IFT56: variants seen among roughly 807,000 people sequenced by gnomAD.
IFT56 encodes intraflagellar transport protein 56.
chr7:139,158,700 G>C, the IFT56 span, among the ~76,000 whole-genome samples: 1 of 152,134 alleles, frequency 6.6e-6, no homozygotes, highest in Non-Finnish European at 1.5e-5. Flanking sequence ...GATCATTTGA[G>C]GTCAGGAGTT....
chr7:139,180,355 A>C, the IFT56 span, among the ~76,000 whole-genome samples: 2 of 150,314 alleles, frequency 1.3e-5, no homozygotes, highest in Non-Finnish European at 3.0e-5. Context: ...AAAAAAAAAG[A>C]ACTTTACTTT....
the IFT56 span, among the ~76,000 whole-genome samples, chr7:139,151,725 T>C: frequency 6.6e-6 from 1 of 152,340 alleles, no homozygotes; most frequent in East Asian, 1.9e-4. Context: ...ATAGTCACAT[T>C]GATCTGTTTC....
At chr7:139,161,706 T>C in the IFT56 span, among the ~76,000 whole-genome samples, 1 of 152,234 alleles carries the variant, frequency 6.6e-6, no homozygotes, top group South Asian at 2.1e-4. Context: ...ACAGCTGTTT[T>C]AGACTCCCCT....
At chr7:139,143,464 T>C in the IFT56 span, among the ~76,000 whole-genome samples, 2 of 152,120 alleles carry the variant, frequency 1.3e-5, no homozygotes, top group Admixed American at 6.5e-5. Flanking sequence ...TCTGAAAAAT[T>C]TCTCTTTGTC....
chr7:139,184,204 T>C, the IFT56 span, among the ~76,000 whole-genome samples: 1 of 152,194 alleles, frequency 6.6e-6, no homozygotes, highest in African/African-American at 2.4e-5. Flanking sequence ...CTCAGGCCTT[T>C]TCAGATCTGC....
the IFT56 span, among the ~76,000 whole-genome samples, chr7:139,170,079 G>A: frequency 1.3e-5 from 2 of 152,130 alleles, no homozygotes; most frequent in East Asian, 3.8e-4. Flanking sequence ...GCTACTATGA[G>A]CAATGATATG....
At chr7:139,138,835 G>C in the IFT56 span, among the ~76,000 whole-genome samples, 2 of 147,076 alleles carry the variant, frequency 1.4e-5, no homozygotes, top group Non-Finnish European at 3.0e-5. Context: ...TTTTGATACG[G>C]AGTCTTGCTC....
chr7:139,143,550 CT>C, the IFT56 span, among the ~76,000 whole-genome samples: 1 of 151,810 alleles, frequency 6.6e-6, no homozygotes, highest in African/African-American at 2.4e-5. Context: ...TACTTTCTAC[CT>C]TTCTATGTCC....
the IFT56 span, chr7:139,148,185 C>A: frequency 1.3e-6 from 2 of 1,587,546 alleles, no homozygotes; most frequent in Non-Finnish European, 1.7e-6. Context: ...AATGGTTAAC[C>A]CTAATTCTTT....
At chr7:139,155,086 G>T in the IFT56 span, among the ~76,000 whole-genome samples, 1 of 151,994 alleles carries the variant, frequency 6.6e-6, no homozygotes, top group Non-Finnish European at 1.5e-5. Context: ...TGATGCTATT[G>T]TAAATTAACT....
chr7:139,135,902 A>G, the IFT56 span, among the ~76,000 whole-genome samples: 4 of 151,124 alleles, frequency 2.6e-5, no homozygotes, highest in Admixed American at 2.7e-4. Context: ...ATCTTCCACA[A>G]ATAGTTCACT....
At chr7:139,156,784 A>T in the IFT56 span, among the ~76,000 whole-genome samples, 71 of 152,264 alleles carry the variant, frequency 4.7e-4, 8 homozygotes, top group East Asian at 0.014. Flanking sequence ...CAGTGTTTAG[A>T]TATGTCTGCT....
the IFT56 span, chr7:139,190,721 A>G: frequency 6.6e-6 from 1 of 152,192 alleles, no homozygotes. Context: ...ATAACATACA[A>G]CTGAGCATTC....
chr7:139,151,794 G>A, the IFT56 span, among the ~76,000 whole-genome samples: 1 of 152,188 alleles, frequency 6.6e-6, no homozygotes, highest in African/African-American at 2.4e-5. Flanking sequence ...AGGCACAGTG[G>A]CTCACGCCTG....
At chr7:139,138,278 G>A in the IFT56 span, among the ~76,000 whole-genome samples, 8 of 152,264 alleles carry the variant, frequency 5.3e-5, no homozygotes, top group Middle Eastern at 3.4e-3. Flanking sequence ...CAGAGAGACA[G>A]AGCAAAAGAG....
the IFT56 span, among the ~76,000 whole-genome samples, chr7:139,188,467 A>G: frequency 6.6e-6 from 1 of 152,196 alleles, no homozygotes; most frequent in Non-Finnish European, 1.5e-5. Flanking sequence ...AACTTCATGG[A>G]ATGTATTTAT....
At chr7:139,137,783 T>C in the IFT56 span, 1 of 1,382,700 alleles carries the variant, frequency 7.2e-7, no homozygotes, top group Non-Finnish European at 1.0e-6. Context: ...GTAGCATTTT[T>C]TTTTAAACAG....
the IFT56 span, among the ~76,000 whole-genome samples, chr7:139,159,303 G>T: frequency 2.6e-5 from 4 of 152,014 alleles, no homozygotes; most frequent in African/African-American, 7.2e-5. Flanking sequence ...ATTTCTTCTT[G>T]TGTTATTTTT....
At chr7:139,177,592 C>T in the IFT56 span, among the ~76,000 whole-genome samples, 9 of 143,484 alleles carry the variant, frequency 6.3e-5, no homozygotes, top group Non-Finnish European at 1.2e-4. Context: ...TATATCTGAT[C>T]GGATATACAT....
Sources: allele counts gnomAD v4.1 joint callset (sites outside exome capture counted in the v4.1 genomes callset), GRCh38; gene constraint gnomAD v4.1.1; transcripts MANE v1.5; gene names NCBI Gene and HGNC (gene_info 2026-07-23, HGNC 2026-07-21).